BCL11B: variants seen among roughly 807,000 people sequenced by gnomAD.
BCL11B encodes B-cell lymphoma/leukemia 11B.
In BCL11B, 8 loss-of-function variants were observed where a neutral mutation model predicts 49.9. The observed-to-expected ratio is 0.16, with a 90% CI of 0.09 to 0.29. The LOEUF is 0.29. Among genes scored for constraint, BCL11B ranks in the 10% least tolerant of loss-of-function variants. BCL11B has a pLI of 1.00. For synonymous variants in BCL11B, 739 were observed against 637.4 expected, an observed-to-expected ratio of 1.16 and a Z score of -2.40; for missense variants, 1,006 against 1,351.0, an observed-to-expected ratio of 0.74 and a Z score of 4.00.
At chr14:99,203,840 G>T (rs2139826212) in intron 3 of BCL11B, among the ~76,000 whole-genome samples, 1 of 152,246 alleles carries the variant, frequency 6.6e-6, no homozygotes. Flanking sequence ...GGCCGGGGGA[G>T]CGCACAGAAG....
intron 3 of BCL11B, among the ~76,000 whole-genome samples, chr14:99,188,826 C>A (rs1450543574): frequency 6.6e-6 from 1 of 152,250 alleles, no homozygotes; most frequent in Non-Finnish European, 1.5e-5. Context: ...GCGGCTGGAG[C>A]CCAGGTGCCC....
intron 3 of BCL11B, among the ~76,000 whole-genome samples, chr14:99,215,744 T>C (rs748764305): frequency 6.6e-6 from 1 of 152,206 alleles, no homozygotes; most frequent in Non-Finnish European, 1.5e-5. Context: ...AAGACATGTA[T>C]ATTAAGAGAG....
rs939480359 is a variant in BCL11B at position 99,207,268 on chromosome 14, G to A, written c.640+24077C>T. Among the ~76,000 whole-genome samples the A allele has an allele frequency of 4.6e-5, 7 of 152,192 alleles. No homozygotes were observed. The East Asian group carries it at 5.8e-4, about 13-fold the overall frequency. ...CTTATTATGACATAAATGACAAAGC[G>A]AAAAAATACATGAGGACCCAATAGC... On this transcript the variant is annotated intron_variant, in intron 3 of 3. Coordinates refer to ENST00000357195, the MANE Select transcript of BCL11B (RefSeq NM_138576.4).
chr14:99,249,022 C>T (rs982567501), intron 2 of BCL11B, among the ~76,000 whole-genome samples: 8 of 152,166 alleles, frequency 5.3e-5, no homozygotes, highest in African/African-American at 1.9e-4. Context: ...CAGCTCCTCC[C>T]AAAATGCAGT....
intron 3 of BCL11B, among the ~76,000 whole-genome samples, chr14:99,223,939 A>AAGGCG (rs1888087143): frequency 6.6e-6 from 1 of 152,270 alleles, no homozygotes; most frequent in East Asian, 1.9e-4. Context: ...CAAACAGAGA[A>AAGGCG]AGGCGCCATG....
chr14:99,197,094 G>A (rs1383714237), intron 3 of BCL11B, among the ~76,000 whole-genome samples: 2 of 152,162 alleles, frequency 1.3e-5, no homozygotes, highest in East Asian at 3.8e-4. Context: ...AAGGAACTGA[G>A]GCCCAACACC....
chr14:99,211,583 T>C (rs1002797600), intron 3 of BCL11B, among the ~76,000 whole-genome samples: 3 of 152,194 alleles, frequency 2.0e-5, no homozygotes, highest in African/African-American at 7.2e-5. Context: ...CACATGCACA[T>C]GCATTCACAT....
chr14:99,241,749 C>T lies in BCL11B; in HGVS notation c.428-10192G>A, dbSNP rs1433516879. ...ATCCTAATTTCTTTGAAAAAAACAT[C>T]AGTGTCACTAAAAAAAACGTCACTC... is the stretch of plus-strand genomic sequence containing the variant. On this transcript the variant is annotated intron_variant, in intron 2 of 3. Coordinates refer to ENST00000357195, the MANE Select transcript of BCL11B (RefSeq NM_138576.4). This position sits in a 1 kb window ranked among gnomAD's most constrained non-coding sequence, Gnocchi z 4.4. Among the ~76,000 whole-genome samples, 1 of 152,046 alleles carries T rather than the reference C, an allele frequency of 6.6e-6. No individual in the cohort carries two copies. Among genetic ancestry groups the T allele is most frequent in the Non-Finnish European group, 1.5e-5 (1 of 68,028 alleles).
At chr14:99,269,933 G>T (rs1271849224) in intron 1 of BCL11B, among the ~76,000 whole-genome samples, 1 of 143,714 alleles carries the variant, frequency 7.0e-6, no homozygotes, top group African/African-American at 2.6e-5. Flanking sequence ...CAGGCACCGC[G>T]AGAGAAAGAA....
chr14:99,208,068 G>A (rs1364436606), intron 3 of BCL11B, among the ~76,000 whole-genome samples: 2 of 152,202 alleles, frequency 1.3e-5, no homozygotes, highest in African/African-American at 4.8e-5. Flanking sequence ...CTGGCTGGGT[G>A]GTAGCGGACA....
chr14:99,207,562 T>C (rs1887568728), intron 3 of BCL11B, among the ~76,000 whole-genome samples: 1 of 152,202 alleles, frequency 6.6e-6, no homozygotes, highest in African/African-American at 2.4e-5. Context: ...CTGTGCACCC[T>C]GGGTGCTGGG....
chr14:99,219,745 T>C (rs1354960007), intron 3 of BCL11B, among the ~76,000 whole-genome samples: 2 of 151,930 alleles, frequency 1.3e-5, no homozygotes, highest in Admixed American at 1.3e-4. Flanking sequence ...TAGAATTTTC[T>C]TCCCCAAGCT....
At chr14:99,237,440 T>C (rs1012439264) in intron 2 of BCL11B, among the ~76,000 whole-genome samples, 1 of 151,176 alleles carries the variant, frequency 6.6e-6, no homozygotes, top group Admixed American at 6.6e-5. Context: ...AGAGAGGGAG[T>C]GGGTGTGCCA....
At chr14:99,267,270 C>CA (rs940147243) in intron 1 of BCL11B, among the ~76,000 whole-genome samples, 18 of 148,192 alleles carry the variant, frequency 1.2e-4, no homozygotes, top group East Asian at 5.9e-4. Context: ...ACCTCCCCAT[C>CA]AAAAAAAAAG....
At chr14:99,256,864 G>A (rs1236033759) in intron 2 of BCL11B, among the ~76,000 whole-genome samples, 1 of 152,132 alleles carries the variant, frequency 6.6e-6, no homozygotes, top group Non-Finnish European at 1.5e-5. Flanking sequence ...CGGCCCCTGG[G>A]GTCGGGCAAT....
intron 3 of BCL11B, among the ~76,000 whole-genome samples, chr14:99,215,887 G>A (rs186353095): frequency 1.6e-3 from 251 of 152,274 alleles, no homozygotes; most frequent in Non-Finnish European, 2.7e-3. Flanking sequence ...AACCCAAAAC[G>A]AAGGAGAAAA....
chr14:99,269,398 A>G (rs1889581607), intron 1 of BCL11B, among the ~76,000 whole-genome samples: 1 of 152,188 alleles, frequency 6.6e-6, no homozygotes, highest in Admixed American at 6.5e-5. Context: ...ATTTTGTTTT[A>G]AACGCAGCCG....
rs1889680986 is a variant in BCL11B, at chr14:99,271,354, G to T, written c.-136C>A. ...CGCCGCCGCACCTCCTCCTCTGCCC[G>T]GGTTGGTGTTTTTTTTCCCTTCCTC... On this transcript the variant is annotated 5_prime_UTR_variant, in exon 1 of 4. Transcript: ENST00000357195. 2.1e-6 allele frequency: 1 copy of T among 465,144 alleles called. No homozygotes were observed. The highest frequency in any genetic ancestry group is 3.3e-6 in the Non-Finnish European group (1 of 306,056). 28.8% of individuals were successfully genotyped at this position (465,144 alleles called of 1,614,324 possible). A position where few individuals can be genotyped will look rare whatever the true frequency, so the allele number is the denominator to read the frequency against.
At chr14:99,185,495 G>A (rs567303451) in intron 3 of BCL11B, among the ~76,000 whole-genome samples, 2 of 151,410 alleles carry the variant, frequency 1.3e-5, no homozygotes, top group Admixed American at 1.3e-4. Flanking sequence ...GCCAGACACA[G>A]AGAACCGGAG....
Sources: allele counts gnomAD v4.1 joint callset (sites outside exome capture counted in the v4.1 genomes callset), GRCh38; gene constraint gnomAD v4.1.1; non-coding constraint Gnocchi (gnomAD v3.1); transcripts MANE v1.5; gene names NCBI Gene and HGNC (gene_info 2026-07-23, HGNC 2026-07-21).